Variants in REXO1 observed in about 807,000 individuals in gnomAD.
The protein encoded by REXO1 is RNA exonuclease 1 homolog.
In REXO1, 42 loss-of-function variants were observed where a neutral mutation model predicts 102.6. That is an observed-to-expected ratio of 0.41 (90% CI 0.32 to 0.53). The LOEUF (loss-of-function observed/expected upper bound fraction) is 0.53. REXO1 is among the 20% of genes least tolerant of loss of function. The probability of loss-of-function intolerance (pLI) is 0.27; values close to 1 mark genes in which losing one functional copy is unlikely to be tolerated. For synonymous variants in REXO1, 908 were observed against 779.1 expected (o/e 1.17, Z -2.76); for missense variants, 1,819 against 1,732.5 (o/e 1.05, Z -0.89).
rs147783176 is a variant in REXO1, at chr19:1,829,162, G to A, written c.158-531C>T. On this transcript the variant is annotated intron_variant, in intron 1 of 15. Transcript: ENST00000170168. ...AGTGTGCCAGCGGTGGTGTGGTGGCGGTGTGCCTGCGGTGATGTGGCTGAG... is the reference window on the plus strand; with the variant it reads ...AGTGTGCCAGCGGTGGTGTGGTGGCAGTGTGCCTGCGGTGATGTGGCTGAG... 3.3e-3 allele frequency among the ~76,000 whole-genome samples: 501 copies of A among 152,352 alleles called. 2 individuals carry two copies. Among genetic ancestry groups the A allele is most frequent in the African/African-American group, 7.4e-3 (308 of 41,582 alleles).
intron 11 of REXO1, 127 bp from the exon 12 acceptor site, chr19:1,817,456 A>G: frequency 1.3e-6 from 2 of 1,492,706 alleles, no homozygotes; most frequent in Non-Finnish European, 1.8e-6. Context: ...ACTGGTTGGG[A>G]CCCTGGTGAG....
Position 1,820,032 on chromosome 19 carries a change from T to C in REXO1, c.2552A>G (p.Tyr851Cys). The C allele has an allele frequency of 6.2e-7, 1 of 1,604,148 alleles. No homozygotes were observed. Among genetic ancestry groups the C allele is most frequent in the Non-Finnish European group, 8.5e-7 (1 of 1,177,386 alleles). The change falls in exon 7 of 16, where the codon TAT (tyrosine) becomes TGT (cysteine). Residue 851 changes from tyrosine to cysteine, a missense_variant. Transcript: ENST00000170168. The stretch of plus-strand genomic sequence containing the variant: ...GATGTTCTTGCTGGGGCTGCGGTCA[T>C]AGGCCACCTTCTCCTCGTTCAGTGC... ...EKALNEEKVA[Y>C]DRSPSKNIYL...
At chr19:1,848,113 C>T (rs2011639471) in intron 1 of REXO1, 89 bp downstream of exon 1, 1 of 645,974 alleles carries the variant, frequency 1.5e-6, no homozygotes, top group Non-Finnish European at 2.2e-6. Flanking sequence ...GAGGCTGGGC[C>T]GAGAACGGGG....
At chr19:1,837,523 C>T (rs2070074394) in intron 1 of REXO1, among the ~76,000 whole-genome samples, 1 of 152,184 alleles carries the variant, frequency 6.6e-6, no homozygotes, top group East Asian at 1.9e-4. Flanking sequence ...GTGCCGGGGG[C>T]CTGGACCTCC....
At chr19:1,841,721 G>A (rs1181440738) in intron 1 of REXO1, among the ~76,000 whole-genome samples, 4 of 151,656 alleles carry the variant, frequency 2.6e-5, no homozygotes, top group South Asian at 2.1e-4. Context: ...GCTCTGGGGG[G>A]AGCGCTCTGG....
chr19:1,844,195 C>T (rs983850081), intron 1 of REXO1, among the ~76,000 whole-genome samples: 1 of 152,258 alleles, frequency 6.6e-6, no homozygotes, highest in African/African-American at 2.4e-5. Flanking sequence ...GGCCCACCCA[C>T]ATCCAACCCA....
intron 1 of REXO1, among the ~76,000 whole-genome samples, chr19:1,833,773 C>A (rs999805833): frequency 4.6e-5 from 7 of 152,250 alleles, no homozygotes; most frequent in Non-Finnish European, 8.8e-5. Context: ...CCTCCCCCAG[C>A]CCCGGAAGCC....
At chr19:1,844,391 G>A (rs1415618166) in intron 1 of REXO1, among the ~76,000 whole-genome samples, 1 of 152,194 alleles carries the variant, frequency 6.6e-6, no homozygotes, top group Non-Finnish European at 1.5e-5. Context: ...CCATGTGAGG[G>A]GCCACATCTG....
intron 1 of REXO1, among the ~76,000 whole-genome samples, chr19:1,839,087 C>A (rs1368676652): frequency 6.6e-6 from 1 of 152,036 alleles, no homozygotes; most frequent in Non-Finnish European, 1.5e-5. Context: ...GAAACTCTGT[C>A]TCTACTAAAA....
intron 1 of REXO1, among the ~76,000 whole-genome samples, chr19:1,835,362 G>A (rs1480119281): frequency 6.6e-6 from 1 of 152,056 alleles, no homozygotes; most frequent in Non-Finnish European, 1.5e-5. Flanking sequence ...GGCCAACATG[G>A]TGAAACTCCA....
chr19:1,820,797 A>G lies in REXO1; in HGVS notation c.2395-402T>C, dbSNP rs188022768. On this transcript the variant is annotated intron_variant, in intron 5 of 15. Coordinates refer to ENST00000170168, the MANE Select transcript of REXO1 (RefSeq NM_020695.4). ...CACTTGAGGACAAGAGTTCAAGATC[A>G]GCCTGGACAACGTGGCAAAACCCTG... 1.1e-4 allele frequency among the ~76,000 whole-genome samples: 16 copies of G among 151,152 alleles called. No homozygotes were observed. The East Asian group carries it at 3.0e-3, about 28-fold the overall frequency.
intron 1 of REXO1, among the ~76,000 whole-genome samples, chr19:1,841,012 G>A (rs956209562): frequency 6.6e-6 from 1 of 152,332 alleles, no homozygotes; most frequent in African/African-American, 2.4e-5. Flanking sequence ...GACGGGAGGC[G>A]CTCCGTCCTC....
At chr19:1,841,986 G>A (rs2011304982) in intron 1 of REXO1, among the ~76,000 whole-genome samples, 1 of 152,110 alleles carries the variant, frequency 6.6e-6, no homozygotes, top group Non-Finnish European at 1.5e-5. Context: ...TGAGGCGGGT[G>A]GATCACTTGA....
chr19:1,831,958 G>T (rs559231520), intron 1 of REXO1, among the ~76,000 whole-genome samples: 7 of 151,020 alleles, frequency 4.6e-5, no homozygotes, highest in South Asian at 2.1e-4. Context: ...GCCTCCCCAG[G>T]TAAGTCCCCA....
At chr19:1,837,925 T>G (rs1340201929) in intron 1 of REXO1, among the ~76,000 whole-genome samples, 1 of 152,200 alleles carries the variant, frequency 6.6e-6, no homozygotes, top group Non-Finnish European at 1.5e-5. Flanking sequence ...CCACATGCCA[T>G]GACTGGACGC....
At position 1,832,287 on chromosome 19, in the gene REXO1, G is replaced by A. The variant is rs117292084; in HGVS notation, c.158-3656C>T. Among the ~76,000 whole-genome samples the A allele has an allele frequency of 1.5e-3, 232 of 152,360 alleles. 2 individuals carry two copies. In the East Asian group the frequency reaches 0.036, roughly 24 times the overall value. On this transcript the variant is annotated intron_variant, in intron 1 of 15. Coordinates refer to ENST00000170168, the MANE Select transcript of REXO1 (RefSeq NM_020695.4). ...CTGCCCACAGCTTGACTTGAGCCCA[G>A]CGAGGCTGACTTTGGACTTCCCAGC...
chr19:1,826,976 C>T lies in REXO1; in HGVS notation c.1813G>A (p.Glu605Lys). 1 of 1,566,530 alleles carries T rather than the reference C, an allele frequency of 6.4e-7. No individual in the cohort carries two copies. The highest frequency in any genetic ancestry group is 8.6e-7 in the Non-Finnish European group (1 of 1,156,622). ...ATGGGGTCGGAGTCAAAGTCCACCT[C>T]CTTCTCCAGGGCCGAGTAGTCCACA... is the stretch of plus-strand genomic sequence containing the variant. ...ADVDYSALEK[E>K]VDFDSDPMEE... is the part of the protein sequence containing the mutation. Residue 605 changes from glutamate (E) to lysine (K), a missense_variant, in exon 2 of 16, where the codon GAG becomes AAG. By Grantham distance (56) the Glu-to-Lys change is moderately conservative. Transcript: ENST00000170168. The surrounding 1 kb of genome is among the most constrained non-coding windows in gnomAD (Gnocchi z 4.3).
rs771542090 is a variant in REXO1, at chr19:1,821,779, C to G, written c.2231-97G>C. On this transcript the variant is annotated intron_variant, in intron 4 of 15. Transcript: ENST00000170168. Reference sequence around the variant, plus strand: ...CCGCGGCCGCTCAGCGCCAGCAGCACGTGCATCTCCGCGTGCAGGGGGCCG... The same window carrying G: ...CCGCGGCCGCTCAGCGCCAGCAGCAGGTGCATCTCCGCGTGCAGGGGGCCG... 6.4e-5 allele frequency: 72 copies of G among 1,126,262 alleles called. No individual in the cohort carries two copies. The African/African-American group carries it at 1.0e-3, about 16-fold the overall frequency. The allele number at this position is 1,126,262 out of a possible 1,614,324, so 69.8% of individuals were successfully genotyped here. A position where few individuals can be genotyped will look rare whatever the true frequency, so the allele number is the denominator to read the frequency against.
In REXO1 at chr19:1,826,021, C is replaced by T. The variant is rs981935218; in HGVS notation, c.1912-78G>A. The T allele has an allele frequency of 3.9e-6, 4 of 1,038,070 alleles. No individual in the cohort carries two copies. The highest frequency in any genetic ancestry group is 2.5e-5 in the East Asian group (1 of 40,648). 64.3% of individuals were successfully genotyped at this position (1,038,070 alleles called of 1,614,324 possible). A position where few individuals can be genotyped will look rare whatever the true frequency, so the allele number is the denominator to read the frequency against. On this transcript the variant is annotated intron_variant, in intron 2 of 15. Transcript: ENST00000170168. The surrounding 1 kb of genome is among the most constrained non-coding windows in gnomAD (Gnocchi z 4.3). ...ACACACCCCAACCTCAAACTGCCCC[C>T]GGCAAGTGGGGAATGGAACAGTCCA... is the stretch of plus-strand genomic sequence containing the variant.
Sources: gnomAD v4.1 joint callset for allele counts (sites outside exome capture counted in the v4.1 genomes callset) on GRCh38, gnomAD v4.1.1 for gene constraint, Gnocchi (gnomAD v3.1) non-coding constraint, MANE v1.5 for transcripts, NCBI Gene and HGNC (gene_info 2026-07-23, HGNC 2026-07-21) for gene names.